Variants in RAD54L2 observed in about 807,000 individuals in gnomAD.
RAD54L2 encodes the protein helicase ARIP4.
A neutral mutation model predicts 138.4 loss-of-function variants in RAD54L2; 27 were observed. The observed-to-expected ratio is 0.20, with a 90% CI of 0.14 to 0.27. RAD54L2 has a LOEUF of 0.27. RAD54L2 is among the 10% of genes least tolerant of loss of function. The pLI, the probability that RAD54L2 is intolerant of heterozygous loss-of-function variation, is 1.00. For missense variants in RAD54L2, 1,396 were observed against 1,890.2 expected (o/e 0.74, Z 4.85); for synonymous variants, 644 against 723.2 (o/e 0.89, Z 1.76).
At position 51,656,057 on chromosome 3, in the gene RAD54L2, T is replaced by G. The variant is rs1290672533; in HGVS notation, c.3113T>G (p.Val1038Gly). 6.2e-7 allele frequency: 1 copy of G among 1,613,976 alleles called. No individual in the cohort carries two copies. The highest frequency in any genetic ancestry group is 8.5e-7 in the Non-Finnish European group (1 of 1,179,856). ...CCCATCCCCATGATGCCCCGGCATG[T>G]CCCATTGGGAGGAAGTGTAAGCTCT... ...STPIPMMPRH[V>G]PLGGSVSSAS... The change falls in exon 20 of 23, where the codon GTC becomes GGC. Residue 1038 changes from valine (V) to glycine (G), a missense_variant. Val to Gly is a moderately radical substitution (Grantham distance 109). Transcript: ENST00000684192.
chr3:51,583,841 A>G lies in RAD54L2; in HGVS notation c.-54-6526A>G, dbSNP rs149914483. 4.5e-3 allele frequency among the ~76,000 whole-genome samples: 675 copies of G among 149,492 alleles called. 4 individuals are homozygous for G. Among genetic ancestry groups the G allele is most frequent in the African/African-American group, 0.016 (648 of 40,738 alleles). On this transcript the variant is annotated intron_variant, in intron 2 of 22. Transcript: ENST00000684192. ...ATCCATTTTTTATCTTGCACTTTGA[A>G]TGGCTTTTTTTTTTTTTTTAAACTG...
rs539784660 is a variant in RAD54L2 at position 51,604,502 on chromosome 3, G to A, written c.139+13943G>A. ...AGAGGGGAAGTAGTGCAGTGTGGTGGCTTAGAGCATGGACCTTGTAGACAA... is the reference window on the plus strand; with the variant it reads ...AGAGGGGAAGTAGTGCAGTGTGGTGACTTAGAGCATGGACCTTGTAGACAA... On this transcript the variant is annotated intron_variant, in intron 3 of 22. Coordinates refer to ENST00000684192, the MANE Select transcript of RAD54L2 (RefSeq NM_015106.4). 8.5e-5 allele frequency among the ~76,000 whole-genome samples: 13 copies of A among 152,256 alleles called. No homozygotes were observed. In the East Asian group the frequency reaches 1.7e-3, roughly 20 times the overall value.
At chr3:51,631,153 G>A (rs1431558291) in intron 7 of RAD54L2, among the ~76,000 whole-genome samples, 3 of 152,178 alleles carry the variant, frequency 2.0e-5, no homozygotes, top group Non-Finnish European at 2.9e-5. Flanking sequence ...CAAGCTTCAG[G>A]TTTGCCCTAC....
At chr3:51,605,034 T>A (rs1181273539) in intron 3 of RAD54L2, among the ~76,000 whole-genome samples, 1 of 151,716 alleles carries the variant, frequency 6.6e-6, no homozygotes, top group South Asian at 2.1e-4. Flanking sequence ...TGATTCTTCC[T>A]GCCTCAGCCT....
In RAD54L2 at chr3:51,639,467, T is replaced by A; in HGVS notation, c.1909T>A (p.Leu637Met). Residue 637 changes from leucine (L) to methionine (M), a missense_variant, in exon 13 of 23, where the codon TTG (leucine) becomes ATG (methionine). This residue lies in a region of RAD54L2 where 211 missense variants were observed against 273.8 expected (regional missense o/e 0.77). Transcript: ENST00000684192. ...VLYEALQKES[L>M]ANEQDLDVEE... is the part of the protein sequence containing the mutation. ...GTATGAAGCCCTTCAGAAGGAGAGC[T>A]TGGCCAATGAGCAGGACCTAGACGT... The A allele has an allele frequency of 2.5e-6, 4 of 1,613,982 alleles. No individual in the cohort carries two copies. Among genetic ancestry groups the A allele is most frequent in the Non-Finnish European group, 3.4e-6 (4 of 1,179,892 alleles).
intron 2 of RAD54L2, among the ~76,000 whole-genome samples, chr3:51,560,755 AT>A (rs1262257911): frequency 6.6e-6 from 1 of 151,604 alleles, no homozygotes; most frequent in Non-Finnish European, 1.5e-5. Flanking sequence ...CTTCCAGCAA[AT>A]TTTTTTTCTA....
chr3:51,557,456 TA>T (rs1698998368), intron 2 of RAD54L2, among the ~76,000 whole-genome samples: 1 of 151,896 alleles, frequency 6.6e-6, no homozygotes, highest in Non-Finnish European at 1.5e-5. Flanking sequence ...GTGCTGGGAT[TA>T]GAGGTGTGAG....
At chr3:51,598,887 A>G (rs1700026721) in intron 3 of RAD54L2, among the ~76,000 whole-genome samples, 1 of 152,122 alleles carries the variant, frequency 6.6e-6, no homozygotes, top group African/African-American at 2.4e-5. Context: ...CCCTTACCCT[A>G]GCATCTCCTC....
chr3:51,618,346 G>A (rs1349741184), intron 3 of RAD54L2, among the ~76,000 whole-genome samples: 2 of 151,972 alleles, frequency 1.3e-5, no homozygotes, highest in East Asian at 3.9e-4. Flanking sequence ...TTTAAATTTT[G>A]ATGAAGTACA....
chr3:51,657,453 C>T, intron 20 of RAD54L2, 127 bp from the exon 21 acceptor site: 1 of 577,028 alleles, frequency 1.7e-6, no homozygotes, highest in East Asian at 3.0e-5. Flanking sequence ...GGTTCTGGAC[C>T]TCTGCCCCAC....
intron 19 of RAD54L2, among the ~76,000 whole-genome samples, chr3:51,653,370 T>C (rs1701496236): frequency 6.6e-6 from 1 of 152,224 alleles, no homozygotes; most frequent in African/African-American, 2.4e-5. Flanking sequence ...GAAGACAGTG[T>C]GGTGATTCCT....
In RAD54L2 at chr3:51,660,131, T is replaced by C; in HGVS notation, c.3409+13T>C. The C allele has an allele frequency of 6.3e-7, 1 of 1,582,344 alleles. No individual in the cohort carries two copies. The highest frequency in any genetic ancestry group is 8.7e-7 in the Non-Finnish European group (1 of 1,155,430). ...ATGGCTGCCTCAGGTGTGATGGCTT[T>C]TACTTTCCATTTTACTTTTCAAACA... On this transcript the variant is annotated intron_variant, in intron 22 of 22. Coordinates refer to ENST00000684192, the MANE Select transcript of RAD54L2 (RefSeq NM_015106.4).
intron 9 of RAD54L2, among the ~76,000 whole-genome samples, chr3:51,634,923 C>T (rs1406029766): frequency 3.3e-5 from 5 of 152,206 alleles, no homozygotes; most frequent in Non-Finnish European, 7.3e-5. Context: ...AACCTTTCCC[C>T]TCATTGGTGT....
chr3:51,662,466 A>G lies in RAD54L2; in HGVS notation c.3450A>G (p.Arg1150=). Reference sequence around the variant, plus strand: ...CTTGCGAGTCCACAAGCAACGGCAGACACAGTGCCTCATCACCCAAAGCCC... The same window carrying G: ...CTTGCGAGTCCACAAGCAACGGCAGGCACAGTGCCTCATCACCCAAAGCCC... ...GPSCESTSNG[R]HSASSPKAPD... Residue 1150 remains arginine, a synonymous_variant, in exon 23 of 23, where the codon AGA becomes AGG. Transcript: ENST00000684192. The surrounding 1 kb of genome is among the most constrained non-coding windows in gnomAD (Gnocchi z 4.6). The G allele has an allele frequency of 6.4e-7, 1 of 1,565,774 alleles. No individual in the cohort carries two copies. Among genetic ancestry groups the G allele is most frequent in the Non-Finnish European group, 8.6e-7 (1 of 1,156,796 alleles).
chr3:51,649,189 G>A (rs1282728056), intron 19 of RAD54L2, among the ~76,000 whole-genome samples: 1 of 151,954 alleles, frequency 6.6e-6, no homozygotes, highest in East Asian at 1.9e-4. Flanking sequence ...CAATCAAGCA[G>A]AAGAAAGTGT....
At chr3:51,611,085 C>T (rs1433394048) in intron 3 of RAD54L2, among the ~76,000 whole-genome samples, 1 of 152,040 alleles carries the variant, frequency 6.6e-6, no homozygotes, top group Non-Finnish European at 1.5e-5. Context: ...AGATACCTAG[C>T]CCATTCCTTT....
Position 51,627,617 on chromosome 3 carries a change from G to A in RAD54L2, c.204G>A (p.Pro68=), listed in dbSNP as rs752408823. The A allele has an allele frequency of 7.0e-6, 11 of 1,569,350 alleles. No homozygotes were observed. Among genetic ancestry groups the A allele is most frequent in the East Asian group, 4.8e-5 (2 of 41,802 alleles). The change falls in exon 4 of 23, where the codon CCG becomes CCA. Residue 68 remains proline, a synonymous_variant. Transcript: ENST00000684192. ...HAQLGEDGQQ[P]PRCTSTTSSQ... is the part of the protein sequence containing the mutation. Reference sequence around the variant, plus strand: ...AGTTGGGAGAAGATGGGCAGCAGCCGCCGCGGTGCACTTCAACTACCTCAT... The same window carrying A: ...AGTTGGGAGAAGATGGGCAGCAGCCACCGCGGTGCACTTCAACTACCTCAT...
intron 3 of RAD54L2, among the ~76,000 whole-genome samples, chr3:51,610,277 T>C (rs1169736530): frequency 6.6e-6 from 1 of 152,118 alleles, no homozygotes; most frequent in Non-Finnish European, 1.5e-5. Flanking sequence ...TTGTTCTCAT[T>C]ATTATTACCT....
rs541155664 is a variant in RAD54L2, at chr3:51,540,879, TA to T, written c.-116-706del. ...CTGCATGGCGAAACCCTGTCTCTAC[TA>T]AAACTACAAAAATTAGCCGGTGGGG... On this transcript the variant is annotated intron_variant, in intron 1 of 22. Coordinates refer to ENST00000684192, the MANE Select transcript of RAD54L2 (RefSeq NM_015106.4). 2.8e-3 allele frequency among the ~76,000 whole-genome samples: 429 copies of T among 152,118 alleles called. 3 individuals are homozygous for T. The highest frequency in any genetic ancestry group is 9.8e-3 in the African/African-American group (407 of 41,514).
Sources: allele counts gnomAD v4.1 joint callset (sites outside exome capture counted in the v4.1 genomes callset), GRCh38; gene constraint gnomAD v4.1.1; regional missense constraint gnomAD v4.1.1; non-coding constraint Gnocchi (gnomAD v3.1); transcripts MANE v1.5; gene names NCBI Gene and HGNC (gene_info 2026-07-23, HGNC 2026-07-21).